ZPLD1: variants seen among roughly 807,000 people sequenced by gnomAD.
ZPLD1 encodes zona pellucida like domain containing 1.
Under a neutral mutation model 47.2 loss-of-function variants are expected in ZPLD1, and 34 were observed. That is an observed-to-expected ratio of 0.72 (90% CI 0.55 to 0.96). ZPLD1 has a LOEUF of 0.96. Among genes scored for constraint, ZPLD1 ranks in the 40% least tolerant of loss-of-function variants. The pLI, the probability that ZPLD1 is intolerant of heterozygous loss-of-function variation, is 0.00. For synonymous variants in ZPLD1, 176 were observed against 186.2 expected (o/e 0.95, Z 0.45); for missense variants, 512 against 505.8 (o/e 1.01, Z -0.12).
upstream of ZPLD1, among the ~76,000 whole-genome samples, chr3:102,434,509 T>G (rs1707057218): frequency 6.6e-6 from 1 of 152,174 alleles, no homozygotes; most frequent in African/African-American, 2.4e-5. Context: ...AGATGTCTCT[T>G]TTTTTACACA....
intron 7 of ZPLD1, among the ~76,000 whole-genome samples, chr3:102,413,811 C>A (rs999382067): frequency 4.6e-5 from 7 of 151,392 alleles, no homozygotes; most frequent in African/African-American, 1.5e-4. Flanking sequence ...CAAATATGTG[C>A]AAATGATTAA....
intron 3 of ZPLD1, 112 bp downstream of exon 3, chr3:102,438,705 T>A (rs1434854040): frequency 1.4e-6 from 1 of 691,532 alleles, no homozygotes; most frequent in Non-Finnish European, 2.4e-6. Context: ...TTACATTAAG[T>A]GGATATTAAC....
At chr3:102,459,071 C>G (rs1247871908) in intron 6 of ZPLD1, among the ~76,000 whole-genome samples, 1 of 111,808 alleles carries the variant, frequency 8.9e-6, no homozygotes, top group African/African-American at 3.6e-5. Flanking sequence ...GCCTGGGAGA[C>G]AGAGCGAGAC....
At chr3:102,431,570 A>T (rs1351320341), upstream of ZPLD1, among the ~76,000 whole-genome samples, 1 of 152,200 alleles carries the variant, frequency 6.6e-6, no homozygotes, top group Non-Finnish European at 1.5e-5. Context: ...CCCATCAGAG[A>T]ACATGTTTCT....
chr3:102,445,354 A>G (rs113911424), intron 3 of ZPLD1, among the ~76,000 whole-genome samples: 75 of 152,264 alleles, frequency 4.9e-4, no homozygotes, highest in Non-Finnish European at 4.7e-4. Flanking sequence ...TAACCCCTTC[A>G]TGATTCTTGT....
intron 3 of ZPLD1, among the ~76,000 whole-genome samples, chr3:102,439,591 G>A (rs934180842): frequency 6.6e-6 from 1 of 152,070 alleles, no homozygotes; most frequent in African/African-American, 2.4e-5. Flanking sequence ...TATTATTATG[G>A]AAAACTTCAA....
intron 2 of ZPLD1, among the ~76,000 whole-genome samples, chr3:102,437,600 G>T (rs1707109612): frequency 6.6e-6 from 1 of 152,148 alleles, no homozygotes; most frequent in Non-Finnish European, 1.5e-5. Flanking sequence ...TACAAACTAT[G>T]CTCTGAGAAT....
intron 6 of ZPLD1, among the ~76,000 whole-genome samples, chr3:102,458,352 A>G (rs747236231): frequency 1.3e-5 from 2 of 152,222 alleles, no homozygotes; most frequent in Non-Finnish European, 2.9e-5. Context: ...ACATAGCATT[A>G]TCTAAATTTT....
chr3:102,445,082 T>C (rs1282318024), intron 3 of ZPLD1, among the ~76,000 whole-genome samples: 2 of 152,190 alleles, frequency 1.3e-5, no homozygotes, highest in Admixed American at 6.5e-5. Context: ...ATGAAAACAC[T>C]GCCCCGCTTG....
chr3:102,457,588 C>T (rs1388954672), intron 5 of ZPLD1, among the ~76,000 whole-genome samples, 193 bp from the exon 6 acceptor site: 1 of 152,162 alleles, frequency 6.6e-6, no homozygotes, highest in African/African-American at 2.4e-5. Flanking sequence ...TAAAGAATAG[C>T]TTGTCTTTAC....
At chr3:102,472,905 C>G (rs1386814638) in intron 10 of ZPLD1, among the ~76,000 whole-genome samples, 1 of 152,152 alleles carries the variant, frequency 6.6e-6, no homozygotes, top group Non-Finnish European at 1.5e-5. Flanking sequence ...ACACCTGAGA[C>G]TGTGTAATTT....
chr3:102,453,010 A>G lies in ZPLD1; in HGVS notation c.198A>G (p.Thr66=), dbSNP rs781722351. 1.2e-6 allele frequency: 2 copies of G among 1,614,052 alleles called. No homozygotes were observed. The highest frequency in any genetic ancestry group is 2.2e-5 in the East Asian group (1 of 44,892). Residue 66 remains threonine (T), a synonymous_variant, in exon 4 of 12, where the codon ACA becomes ACG. Coordinates refer to ENST00000466937, the MANE Select transcript of ZPLD1 (RefSeq NM_001329788.2). ...CTVLFSGYSE[T]DLALNGRHGD... The stretch of plus-strand genomic sequence containing the variant: ...TACTTTTCTCGGGTTATTCGGAAAC[A>G]GATCTGGCACTGAATGGAAGGCATG...
At chr3:102,477,270 T>C (rs1213816460) in intron 11 of ZPLD1, among the ~76,000 whole-genome samples, 173 bp from the exon 12 acceptor site, 1 of 152,162 alleles carries the variant, frequency 6.6e-6, no homozygotes, top group Non-Finnish European at 1.5e-5. Flanking sequence ...CTCTAAACCA[T>C]ACAATCCTTT....
At chr3:102,414,718 T>C (rs1486035581) in intron 7 of ZPLD1, among the ~76,000 whole-genome samples, 1 of 151,754 alleles carries the variant, frequency 6.6e-6, no homozygotes, top group Non-Finnish European at 1.5e-5. Context: ...ATTGAAACCA[T>C]CGAGAATGTA....
chr3:102,399,159 G>T (rs1706590987), intron 7 of ZPLD1, among the ~76,000 whole-genome samples: 1 of 152,082 alleles, frequency 6.6e-6, no homozygotes, highest in Non-Finnish European at 1.5e-5. Context: ...CACCTATCTT[G>T]TATCCCCACC....
At chr3:102,433,980 A>T (rs1309038924), upstream of ZPLD1, among the ~76,000 whole-genome samples, 1 of 152,202 alleles carries the variant, frequency 6.6e-6, no homozygotes, top group African/African-American at 2.4e-5. Context: ...CTTTCTGAAA[A>T]TTAGTAGGAC....
At chr3:102,421,794 A>G (rs1032097307) in intron 8 of ZPLD1, among the ~76,000 whole-genome samples, 9 of 152,016 alleles carry the variant, frequency 5.9e-5, no homozygotes, top group African/African-American at 2.2e-4. Flanking sequence ...ACATAAAAAT[A>G]CTAGTGAGAC....
At chr3:102,476,879 A>G in intron 10 of ZPLD1, 133 bp from the exon 11 acceptor site, 1 of 1,022,832 alleles carries the variant, frequency 9.8e-7, no homozygotes, top group Non-Finnish European at 1.5e-6. Flanking sequence ...GCCTTACTCA[A>G]GGAGATTATG....
In ZPLD1 at chr3:102,477,902, T is replaced by C. The variant is rs1707783012; in HGVS notation, c.*284T>C. The C allele has an allele frequency of 8.5e-6, 2 of 235,804 alleles. No individual in the cohort carries two copies. The highest frequency in any genetic ancestry group is 1.6e-5 in the Non-Finnish European group (2 of 123,422). 14.6% of individuals were successfully genotyped at this position (235,804 alleles called of 1,614,324 possible). On this transcript the variant is annotated 3_prime_UTR_variant, in exon 12 of 12. Transcript: ENST00000466937. ...GCTTACAGGATCAGTAATATTTCAT[T>C]TTATTTCAGTTTTCTTTTGATTGTT...
Sources: gnomAD v4.1 joint callset for allele counts (sites outside exome capture counted in the v4.1 genomes callset) on GRCh38, gnomAD v4.1.1 for gene constraint, MANE v1.5 for transcripts, NCBI Gene and HGNC (gene_info 2026-07-23, HGNC 2026-07-21) for gene names.